The following ZGRF1 variants were observed in gnomAD, a reference collection of about 807,000 sequenced individuals.
ZGRF1 encodes zinc finger GRF-type containing 1.
Under a neutral mutation model 203.5 loss-of-function variants are expected in ZGRF1, and 196 were observed. That is an observed-to-expected ratio of 0.96 (90% confidence interval 0.86 to 1.08). The LOEUF (loss-of-function observed/expected upper bound fraction) is 1.08. ZGRF1 is among the 50% of genes least tolerant of loss of function. The pLI, the probability that ZGRF1 is intolerant of heterozygous loss-of-function variation, is 0.00. For missense variants in ZGRF1, 2,326 were observed against 2,416.3 expected (o/e 0.96, Z 0.78); for synonymous variants, 809 against 841.3 (o/e 0.96, Z 0.66).
At position 112,586,655 on chromosome 4, in the gene ZGRF1, T is replaced by C. The variant is rs1220552124; in HGVS notation, c.3778-72A>G. 5 of 1,138,674 alleles carry C rather than the reference T, an allele frequency of 4.4e-6. No homozygotes were observed. In the Admixed American group the frequency reaches 8.5e-5, roughly 19 times the overall value. The allele number at this position is 1,138,674 out of a possible 1,614,324, so 70.5% of individuals were successfully genotyped here. ...TGTTTACTAAAGAGTAAATTATTTTTCATAGACATTTTTTAAAAATATTAA... is the reference window on the plus strand; with the variant it reads ...TGTTTACTAAAGAGTAAATTATTTTCCATAGACATTTTTTAAAAATATTAA... On this transcript the variant is annotated intron_variant, in intron 12 of 27. Coordinates refer to ENST00000505019, the MANE Select transcript of ZGRF1 (RefSeq NM_018392.5).
At position 112,618,478 on chromosome 4, in the gene ZGRF1, T is replaced by C. The variant is rs760222894; in HGVS notation, c.1564A>G (p.Asn522Asp). The C allele has an allele frequency of 6.2e-7, 1 of 1,613,510 alleles. No individual in the cohort carries two copies. The highest frequency in any genetic ancestry group is 8.5e-7 in the Non-Finnish European group (1 of 1,179,762). Residue 522 changes from asparagine (N) to aspartate (D), a missense_variant, in exon 6 of 28, where the codon AAT becomes GAT. Transcript: ENST00000505019. ...SLNSIHESLS[N>D]VTQPFLEVTF... is the part of the protein sequence containing the mutation. ...ACCTCCAAAAATGGTTGTGTTACAT[T>C]ACTCAGAGATTCATGAATACTATTA...
chr4:112,621,338 C>T (rs974075225), intron 4 of ZGRF1, among the ~76,000 whole-genome samples: 1 of 152,056 alleles, frequency 6.6e-6, no homozygotes, highest in African/African-American at 2.4e-5. Flanking sequence ...CTTGCCACCA[C>T]CTCTGACTGC....
At chr4:112,589,563 T>G in intron 11 of ZGRF1, 161 bp downstream of exon 11, 1 of 631,358 alleles carries the variant, frequency 1.6e-6, no homozygotes, top group Non-Finnish European at 2.8e-6. Flanking sequence ...GGAATAGCTA[T>G]CTATGATAGA....
In ZGRF1 at chr4:112,586,438, G is replaced by A. The variant is rs757878961; in HGVS notation, c.3916+7C>T. The A allele has an allele frequency of 1.2e-6, 2 of 1,600,756 alleles. No individual in the cohort carries two copies. The highest frequency in any genetic ancestry group is 2.7e-5 in the African/African-American group (2 of 74,558). On this transcript the variant is annotated splice_region_variant and intron_variant, in intron 13 of 27. Transcript: ENST00000505019. ...ATCATGATACAATAAAAACACAACA[G>A]CCATACCTATGAGGCAAGATGTGAA...
intron 9 of ZGRF1, chr4:112,605,684 A>G (rs1169360373): frequency 7.1e-6 from 2 of 281,610 alleles, no homozygotes; most frequent in Non-Finnish European, 1.3e-5. Flanking sequence ...TAAAGGGTAT[A>G]AAGATACTCA....
chr4:112,633,088 A>C (rs1156866966), intron 2 of ZGRF1, 68 bp downstream of exon 2: 2 of 1,387,682 alleles, frequency 1.4e-6, no homozygotes, highest in Middle Eastern at 1.8e-4. Context: ...GATGTTTGTG[A>C]AACGCCTTTA....
At chr4:112,625,447 C>T (rs1301159918) in intron 3 of ZGRF1, among the ~76,000 whole-genome samples, 6 of 151,152 alleles carry the variant, frequency 4.0e-5, no homozygotes, top group East Asian at 2.0e-4. Context: ...TAGCCGGGCG[C>T]GGTGGCAGGC....
chr4:112,568,444 C>T (rs1743543574), intron 16 of ZGRF1, among the ~76,000 whole-genome samples: 1 of 152,136 alleles, frequency 6.6e-6, no homozygotes, highest in South Asian at 2.1e-4. Context: ...GGTGTGGTGG[C>T]TCACGCTTGT....
chr4:112,596,103 A>G (rs896365600), intron 10 of ZGRF1, among the ~76,000 whole-genome samples: 5 of 152,260 alleles, frequency 3.3e-5, no homozygotes, highest in South Asian at 2.1e-4. Flanking sequence ...AATAATGGAC[A>G]TAAGTTTCTT....
intron 3 of ZGRF1, 57 bp downstream of exon 3, chr4:112,631,873 C>A: frequency 2.4e-6 from 2 of 840,776 alleles, no homozygotes; most frequent in South Asian, 1.9e-5. Flanking sequence ...TTTAAATATT[C>A]AATCAAAAAT....
Position 112,584,003 on chromosome 4 carries a change from A to C in ZGRF1, c.4273T>G (p.Tyr1425Asp). Residue 1425 changes from tyrosine to aspartate, a missense_variant, in exon 15 of 28, where the codon TAT becomes GAT. Tyr to Asp is a radical substitution (Grantham distance 160). Transcript: ENST00000505019. ...CTCACCAAAAGCTGGCATTCCTCATAAAGTGGTATCTTTTGACTTCTTAAA... is the reference window on the plus strand; with the variant it reads ...CTCACCAAAAGCTGGCATTCCTCATCAAGTGGTATCTTTTGACTTCTTAAA... ...LYLRSQKIPL[Y>D]EECQLLVRKG... The C allele has an allele frequency of 6.2e-7, 1 of 1,606,438 alleles. No homozygotes were observed. Among genetic ancestry groups the C allele is most frequent in the Non-Finnish European group, 8.5e-7 (1 of 1,177,736 alleles).
intron 10 of ZGRF1, 103 bp downstream of exon 10, chr4:112,603,421 T>C: frequency 1.4e-6 from 1 of 715,258 alleles, no homozygotes; most frequent in Non-Finnish European, 2.2e-6. Flanking sequence ...ACTGTACTCC[T>C]TTTTAACTTA....
intron 16 of ZGRF1, among the ~76,000 whole-genome samples, chr4:112,568,469 G>C (rs1238270426): frequency 6.6e-6 from 1 of 152,032 alleles, no homozygotes; most frequent in Non-Finnish European, 1.5e-5. Flanking sequence ...CTAGCACTTT[G>C]GGAGGCCGCG....
At chr4:112,562,688 G>A (rs932870585) in intron 17 of ZGRF1, among the ~76,000 whole-genome samples, 31 of 152,200 alleles carry the variant, frequency 2.0e-4, no homozygotes, top group South Asian at 1.0e-3. Flanking sequence ...TAATGGGTAT[G>A]CATAAACTGC....
intron 10 of ZGRF1, among the ~76,000 whole-genome samples, chr4:112,594,183 G>A (rs143411943): frequency 3.8e-4 from 58 of 152,156 alleles, no homozygotes; most frequent in African/African-American, 1.4e-3. Context: ...TCCCCCTGCT[G>A]ACCTTTAAGG....
chr4:112,606,517 C>A (rs1488547560), intron 8 of ZGRF1, among the ~76,000 whole-genome samples: 1 of 151,960 alleles, frequency 6.6e-6, no homozygotes, highest in African/African-American at 2.4e-5. Context: ...CAAAATTAGC[C>A]TGGCGTGGTG....
Position 112,563,589 on chromosome 4 carries a change from G to A in ZGRF1, c.4439-315C>T, listed in dbSNP as rs950499005. Among the ~76,000 whole-genome samples, 6 of 152,320 alleles carry A rather than the reference G, an allele frequency of 3.9e-5. No homozygotes were observed. In the South Asian group the frequency reaches 8.3e-4, roughly 21 times the overall value. On this transcript the variant is annotated intron_variant, in intron 16 of 27. Transcript: ENST00000505019. Reference sequence around the variant, plus strand: ...GGGCAGAGACATCACATGGGAAGATGAGTTTGCTACAATGGAAATCCCTAG... The same window carrying A: ...GGGCAGAGACATCACATGGGAAGATAAGTTTGCTACAATGGAAATCCCTAG...
Position 112,548,316 on chromosome 4 carries a change from G to A in ZGRF1, c.5411C>T (p.Pro1804Leu). Residue 1804 changes from proline (P) to leucine (L), a missense_variant, in exon 23 of 28, where the codon CCT (proline) becomes CTT (leucine). Pro to Leu is a moderately conservative substitution (Grantham distance 98, BLOSUM62 -3). Transcript: ENST00000505019. The stretch of plus-strand genomic sequence containing the variant: ...ACTACACTCATCCAGCACAACTACA[G>A]GAAATTTAAGATCATTCATGCATGG... ...PFPCMNDLKFPVVVLDECSQI... is the reference protein window; with the variant it reads ...PFPCMNDLKFLVVVLDECSQI... The A allele has an allele frequency of 6.4e-7, 1 of 1,553,364 alleles. No individual in the cohort carries two copies. Among genetic ancestry groups the A allele is most frequent in the Non-Finnish European group, 8.7e-7 (1 of 1,147,772 alleles).
At chr4:112,624,526 A>C (rs2047166445) in intron 3 of ZGRF1, among the ~76,000 whole-genome samples, 1 of 152,088 alleles carries the variant, frequency 6.6e-6, no homozygotes, top group South Asian at 2.1e-4. Context: ...AGGAGACAAG[A>C]TCATTTTAAG....
Sources: gnomAD v4.1 joint callset for allele counts (sites outside exome capture counted in the v4.1 genomes callset) on GRCh38, gnomAD v4.1.1 for gene constraint, MANE v1.5 for transcripts, NCBI Gene and HGNC (gene_info 2026-07-23, HGNC 2026-07-21) for gene names.